The following C3 variants were observed in gnomAD, a reference collection of about 807,000 sequenced individuals.
The protein encoded by C3 is complement C3.
C3 carries 97 observed loss-of-function variants against 207.9 expected under a neutral mutation model. The ratio of observed to expected loss-of-function variants is 0.47; its 90% CI spans 0.40 to 0.55. The LOEUF is 0.55. C3 is among the 20% of genes least tolerant of loss of function. The pLI is 0.00. For synonymous variants in C3, 848 were observed against 857.6 expected, an observed-to-expected ratio of 0.99 and a Z score of 0.20; for missense variants, 1,684 against 2,171.7, an observed-to-expected ratio of 0.78 and a Z score of 4.46.
intron 21 of C3, 33 bp from the exon 22 acceptor site, chr19:6,696,692 G>A: frequency 6.3e-7 from 1 of 1,588,708 alleles, no homozygotes; most frequent in Non-Finnish European, 8.6e-7. Flanking sequence ...GGAGTCGTTG[G>A]ATGAATAAAA....
intron 23 of C3, among the ~76,000 whole-genome samples, chr19:6,695,939 A>C (rs1478518360): frequency 6.6e-6 from 1 of 151,784 alleles, no homozygotes; most frequent in Non-Finnish European, 1.5e-5. Context: ...GCCGGGCATA[A>C]TGGCTCATGC....
At chr19:6,697,295 A>G in intron 21 of C3, 49 bp downstream of exon 21, 1 of 1,379,606 alleles carries the variant, frequency 7.2e-7, no homozygotes, top group Middle Eastern at 1.8e-4. Context: ...TACGAAGACC[A>G]GGAGCCCTCT....
At position 6,680,183 on chromosome 19, in the gene C3, G is replaced by T; in HGVS notation, c.4431C>A (p.Val1477=). The T allele has an allele frequency of 1.2e-6, 2 of 1,612,228 alleles. No homozygotes were observed. The highest frequency in any genetic ancestry group is 1.1e-5 in the South Asian group (1 of 91,012). ...CCAGGTTGTAATAGGCGTAGACCTT[G>T]ACTGCTCCAGGCTGGATAAGCTCTA... is the stretch of plus-strand genomic sequence containing the variant. The part of the protein sequence containing the change: ...FNVELIQPGA[V]KVYAYYNLEE... Residue 1477 remains valine, a synonymous_variant, in exon 36 of 41, where the codon GTC becomes GTA. Coordinates refer to ENST00000245907, the MANE Select transcript of C3 (RefSeq NM_000064.4).
intron 27 of C3, among the ~76,000 whole-genome samples, chr19:6,690,111 A>G (rs1918131652): frequency 6.6e-6 from 1 of 152,238 alleles, no homozygotes; most frequent in Non-Finnish European, 1.5e-5. Context: ...GTGATGAGCC[A>G]ACAGTGTTCA....
Position 6,677,750 on chromosome 19 carries a change from A to C in C3, c.*132T>G. On this transcript the variant is annotated 3_prime_UTR_variant, in exon 41 of 41. Coordinates refer to ENST00000245907, the MANE Select transcript of C3 (RefSeq NM_000064.4). ...GGAGAAAATGCGGTGGGAACAGGTGAGGTTTCAAGTAGGATGGAGCTGAGC... is the reference window on the plus strand; with the variant it reads ...GGAGAAAATGCGGTGGGAACAGGTGCGGTTTCAAGTAGGATGGAGCTGAGC... 1 of 1,124,894 alleles carries C rather than the reference A, an allele frequency of 8.9e-7. No individual in the cohort carries two copies. Among genetic ancestry groups the C allele is most frequent in the Non-Finnish European group, 1.3e-6 (1 of 775,058 alleles). 69.7% of individuals were successfully genotyped at this position (1,124,894 alleles called of 1,614,324 possible).
chr19:6,717,847 G>A (rs1968073097), intron 4 of C3: 1 of 596,848 alleles, frequency 1.7e-6, no homozygotes, highest in Non-Finnish European at 3.0e-6. Flanking sequence ...GTTGCATTGT[G>A]TGTGTGCATT....
chr19:6,695,480 G>A (rs923335061), intron 23 of C3, among the ~76,000 whole-genome samples: 5 of 151,914 alleles, frequency 3.3e-5, no homozygotes, highest in African/African-American at 1.2e-4. Flanking sequence ...TTGTTTGTTT[G>A]TTTGTTTGTT....
chr19:6,718,087 C>T lies in C3; in HGVS notation c.504+7G>A. ...CTGCTTCCCCTGGGGCCCCCTCTGG[C>T]TGGCACCTCAATGTTGACCATGACC... On this transcript the variant is annotated splice_region_variant and intron_variant, in intron 4 of 40. Coordinates refer to ENST00000245907, the MANE Select transcript of C3 (RefSeq NM_000064.4). 1.9e-6 allele frequency: 3 copies of T among 1,614,092 alleles called. No homozygotes were observed. The highest frequency in any genetic ancestry group is 2.5e-6 in the Non-Finnish European group (3 of 1,179,970).
At chr19:6,708,080 CT>C in intron 14 of C3, 151 bp from the exon 15 acceptor site, 3 of 803,718 alleles carry the variant, frequency 3.7e-6, no homozygotes, top group East Asian at 5.3e-5. Flanking sequence ...CTTTCTCTTT[CT>C]CTTTCCTTCC....
rs749176632 is a variant in C3, at chr19:6,700,516, A to T, written c.2440+1611T>A. Among the ~76,000 whole-genome samples the T allele has an allele frequency of 7.3e-3, 196 of 26,882 alleles. 66 individuals are homozygous for T. The highest frequency in any genetic ancestry group is 9.2e-3 in the Non-Finnish European group (176 of 19,160). The allele number at this position is 26,882 out of a possible 152,430, so 17.6% of individuals were successfully genotyped here. On this transcript the variant is annotated intron_variant, in intron 19 of 40. Transcript: ENST00000245907. Reference sequence around the variant, plus strand: ...ATGATATATTATATATGTAATATATAATATATGTAATATGATATATTATAT... The same window carrying T: ...ATGATATATTATATATGTAATATATTATATATGTAATATGATATATTATAT...
At chr19:6,696,694 T>C (rs1321594801) in intron 21 of C3, 35 bp from the exon 22 acceptor site, 7 of 1,582,688 alleles carry the variant, frequency 4.4e-6, no homozygotes, top group East Asian at 2.2e-5. Flanking sequence ...AGTCGTTGGA[T>C]GAATAAAAGA....
Position 6,699,146 on chromosome 19 carries a change from A to AT in C3, c.2441-1353dup, listed in dbSNP as rs908663884. Among the ~76,000 whole-genome samples the AT allele has an allele frequency of 3.3e-5, 5 of 152,134 alleles. 1 individual carries two copies. In the East Asian group the frequency reaches 9.7e-4, roughly 30 times the overall value. ...CATATAGTAAGTGAATTAAATCTTAATTTTTTAAAAATGATGATTGAGTGG... is the reference window on the plus strand; with the variant it reads ...CATATAGTAAGTGAATTAAATCTTAATTTTTTTAAAAATGATGATTGAGTGG... On this transcript the variant is annotated intron_variant, in intron 19 of 40. Coordinates refer to ENST00000245907, the MANE Select transcript of C3 (RefSeq NM_000064.4).
chr19:6,710,878 G>A (rs753156184), intron 12 of C3, 33 bp from the exon 13 acceptor site: 1 of 1,608,978 alleles, frequency 6.2e-7, no homozygotes, highest in Non-Finnish European at 8.5e-7. Context: ...GGCTGGGGAG[G>A]GTGAGTGGCA....
intron 38 of C3, 35 bp downstream of exon 38, chr19:6,679,090 T>A (rs930659280): frequency 2.6e-6 from 4 of 1,529,498 alleles, no homozygotes; most frequent in Admixed American, 3.3e-5. Flanking sequence ...CACACACAGC[T>A]AAACATGCGT....
At position 6,678,204 on chromosome 19, in the gene C3, T is replaced by C. The variant is rs752058406; in HGVS notation, c.4798A>G (p.Lys1600Glu). ...CREALKLEEKKHYLMWGLSSD... is the reference protein window; with the variant it reads ...CREALKLEEKEHYLMWGLSSD... ...GAGAGACCCCACATGAGGTAGTGTT[T>C]CTTCTCCTCCAGCTTCAGGGCTTCT... Residue 1600 changes from lysine (K) to glutamate (E), a missense_variant, in exon 40 of 41, where the codon AAA (lysine) becomes GAA (glutamate). This residue lies in a region of C3 where 346 missense variants were observed against 380.1 expected (regional missense o/e 0.91). Transcript: ENST00000245907. The C allele has an allele frequency of 1.9e-6, 3 of 1,614,182 alleles. No individual in the cohort carries two copies. The South Asian group carries it at 3.3e-5, about 18-fold the overall frequency.
chr19:6,678,352 G>A lies in C3; in HGVS notation c.4714+20C>T. ...AGGAAGCCAGGGAAGAGCCACGGGAGGCAGCGTGCTGAGCCTGACCTGACT... is the reference window on the plus strand; with the variant it reads ...AGGAAGCCAGGGAAGAGCCACGGGAAGCAGCGTGCTGAGCCTGACCTGACT... On this transcript the variant is annotated intron_variant, in intron 39 of 40. Coordinates refer to ENST00000245907, the MANE Select transcript of C3 (RefSeq NM_000064.4). 1 of 1,614,140 alleles carries A rather than the reference G, an allele frequency of 6.2e-7. No homozygotes were observed.
chr19:6,719,104 G>T lies in C3; in HGVS notation c.267+107C>A. On this transcript the variant is annotated intron_variant, in intron 2 of 40. Coordinates refer to ENST00000245907, the MANE Select transcript of C3 (RefSeq NM_000064.4). This position sits in a 1 kb window ranked among gnomAD's most constrained non-coding sequence, Gnocchi z 5.4. ...TCCGAAGGGGTGGAGTCTCAGGGAA[G>T]GGCAGGGCTTAGAAAGGGAGAAGAC... is the stretch of plus-strand genomic sequence containing the variant. 9.9e-7 allele frequency: 1 copy of T among 1,007,048 alleles called. No homozygotes were observed. Among genetic ancestry groups the T allele is most frequent in the Non-Finnish European group, 1.6e-6 (1 of 635,540 alleles). The allele number at this position is 1,007,048 out of a possible 1,614,324, so 62.4% of individuals were successfully genotyped here. A position where few individuals can be genotyped will look rare whatever the true frequency, so the allele number is the denominator to read the frequency against.
chr19:6,713,904 C>A lies in C3; in HGVS notation c.773+88G>T, dbSNP rs1412271481. 4.7e-6 allele frequency: 3 copies of A among 636,930 alleles called. No individual in the cohort carries two copies. In the East Asian group the frequency reaches 1.0e-4, roughly 21 times the overall value. 39.5% of individuals were successfully genotyped at this position (636,930 alleles called of 1,614,324 possible). ...CCCCCACCTGGTCCCATCTCCAGCC[C>A]CCCACCTGACTCCACCCCCAGTCCC... On this transcript the variant is annotated intron_variant, in intron 7 of 40. Coordinates refer to ENST00000245907, the MANE Select transcript of C3 (RefSeq NM_000064.4).
Position 6,678,464 on chromosome 19 carries a change from G to C in C3, c.4631-9C>G. 6.2e-7 allele frequency: 1 copy of C among 1,613,302 alleles called. No homozygotes were observed. Among genetic ancestry groups the C allele is most frequent in the Non-Finnish European group, 8.5e-7 (1 of 1,179,400 alleles). The stretch of plus-strand genomic sequence containing the variant: ...CAGTCGGGTCTTGTACACTGTGGGG[G>C]AGAGGCAGACAGTTTGGGTGGTGGG... On this transcript the variant is annotated splice_polypyrimidine_tract_variant and intron_variant, in intron 38 of 40. Transcript: ENST00000245907.
Sources: allele counts gnomAD v4.1 joint callset (sites outside exome capture counted in the v4.1 genomes callset), GRCh38; gene constraint gnomAD v4.1.1; regional missense constraint gnomAD v4.1.1; non-coding constraint Gnocchi (gnomAD v3.1); transcripts MANE v1.5; gene names NCBI Gene and HGNC (gene_info 2026-07-23, HGNC 2026-07-21).